FGF12: variants seen among roughly 807,000 people sequenced by gnomAD.
The protein encoded by FGF12 is fibroblast growth factor 12B.
A neutral mutation model predicts 23.6 loss-of-function variants in FGF12; 14 were observed. The ratio of observed to expected loss-of-function variants is 0.59; its 90% CI spans 0.39 to 0.93. The LOEUF is 0.93. Ranked by LOEUF, FGF12 falls within the 40% of genes least tolerant of loss-of-function variation. FGF12 has a pLI of 0.00. For missense variants in FGF12, 175 were observed against 217.8 expected (o/e 0.80, Z 1.24); for synonymous variants, 62 against 77.3 (o/e 0.80, Z 1.04).
rs539192751 is a variant in FGF12 at position 192,228,188 on chromosome 3, C to G, written c.229-57532G>C. On this transcript the variant is annotated intron_variant, in intron 4 of 5. Coordinates refer to ENST00000445105, the MANE Select transcript of FGF12 (RefSeq NM_004113.6). ...AAAAAGTATATGGGTAGTTAATATA[C>G]AAATCAGCTTAATTTAATTATTCCA... 8.6e-5 allele frequency among the ~76,000 whole-genome samples: 13 copies of G among 151,818 alleles called. 1 individual carries two copies. The highest frequency in any genetic ancestry group is 2.7e-4 in the African/African-American group (11 of 41,436).
intron 4 of FGF12, among the ~76,000 whole-genome samples, chr3:192,298,366 GAAGA>G (rs140810650): frequency 6.6e-6 from 1 of 152,326 alleles, no homozygotes; most frequent in East Asian, 1.9e-4. Context: ...GAGAACAAAA[GAAGA>G]AAGAAATATT....
intron 2 of FGF12, among the ~76,000 whole-genome samples, chr3:192,724,680 CTT>C: frequency 6.6e-6 from 1 of 152,316 alleles, no homozygotes; most frequent in African/African-American, 2.4e-5. Flanking sequence ...ATTTTCCTCT[CTT>C]CTTTACCCTG....
chr3:192,143,938 G>T lies in FGF12; in HGVS notation c.*71C>A. Reference sequence around the variant, plus strand: ...TTCCTCTCCTTGGGTGGATTTACTGGAAGGAAATGGGTAAATGGGAAGGAA... The same window carrying T: ...TTCCTCTCCTTGGGTGGATTTACTGTAAGGAAATGGGTAAATGGGAAGGAA... On this transcript the variant is annotated 3_prime_UTR_variant, in exon 6 of 6. Transcript: ENST00000445105. 1.0e-6 allele frequency: 1 copy of T among 962,154 alleles called. No homozygotes were observed. 59.6% of individuals were successfully genotyped at this position (962,154 alleles called of 1,614,324 possible).
rs886466369 is a variant in FGF12, at chr3:192,314,016, A to G, written c.228+21345T>C. ...GATCAGTGTCCTTGTAAGAAGAGAC[A>G]GGGAAGAGCATGCCTCCTCTTTCTC... On this transcript the variant is annotated intron_variant, in intron 4 of 5. Coordinates refer to ENST00000445105, the MANE Select transcript of FGF12 (RefSeq NM_004113.6). 2.6e-5 allele frequency among the ~76,000 whole-genome samples: 4 copies of G among 152,338 alleles called. 1 individual carries two copies. Among genetic ancestry groups the G allele is most frequent in the Middle Eastern group, 6.8e-3 (2 of 294 alleles).
intron 2 of FGF12, among the ~76,000 whole-genome samples, chr3:192,639,456 C>T (rs373519820): frequency 2.0e-5 from 3 of 152,198 alleles, no homozygotes; most frequent in South Asian, 2.1e-4. Context: ...TCTGGGCATA[C>T]GCCCCCAAAA....
chr3:192,715,309 C>G (rs1718833084), intron 2 of FGF12, among the ~76,000 whole-genome samples: 1 of 152,200 alleles, frequency 6.6e-6, no homozygotes, highest in Admixed American at 6.5e-5. Context: ...CCAACCCTTA[C>G]ATGGTTCATG....
rs1027184917 is a variant in FGF12, at chr3:192,596,982, G to GA, written c.13+130198dup. On this transcript the variant is annotated intron_variant, in intron 2 of 5. Coordinates refer to ENST00000445105, the MANE Select transcript of FGF12 (RefSeq NM_004113.6). ...TGTCATTGACCAGCTATGATACCTT[G>GA]AAAAAATTCACCTTAATTCTATGAA... 5.1e-4 allele frequency among the ~76,000 whole-genome samples: 78 copies of GA among 152,120 alleles called. 1 individual carries two copies. The highest frequency in any genetic ancestry group is 1.9e-3 in the African/African-American group (77 of 41,408).
At chr3:192,340,725 A>G (rs1187132656) in intron 3 of FGF12, among the ~76,000 whole-genome samples, 2 of 152,214 alleles carry the variant, frequency 1.3e-5, no homozygotes, top group Non-Finnish European at 2.9e-5. Flanking sequence ...TAGTCTCTTC[A>G]ACAAATGATG....
intron 2 of FGF12, among the ~76,000 whole-genome samples, chr3:192,508,728 AT>A (rs922994353): frequency 3.9e-5 from 6 of 152,044 alleles, no homozygotes; most frequent in Admixed American, 6.5e-5. Context: ...ATTCAAACAC[AT>A]TTTTTTCCAG....
At chr3:192,369,956 G>A (rs1276563292) in intron 2 of FGF12, among the ~76,000 whole-genome samples, 3 of 152,180 alleles carry the variant, frequency 2.0e-5, no homozygotes, top group African/African-American at 7.2e-5. Flanking sequence ...TAAAGATGAA[G>A]TACCACTTTA....
intron 2 of FGF12, among the ~76,000 whole-genome samples, chr3:192,693,003 T>C (rs1001608488): frequency 4.0e-5 from 6 of 151,612 alleles, no homozygotes; most frequent in African/African-American, 1.5e-4. Context: ...GGTATCCAAA[T>C]ATAAACTATC....
intron 4 of FGF12, among the ~76,000 whole-genome samples, chr3:192,312,913 C>T (rs1426196732): frequency 6.6e-6 from 1 of 152,080 alleles, no homozygotes; most frequent in Non-Finnish European, 1.5e-5. Context: ...TAACTTGGTA[C>T]ATGATAAGTA....
At chr3:192,226,730 T>C (rs931572308) in intron 4 of FGF12, among the ~76,000 whole-genome samples, 1 of 152,074 alleles carries the variant, frequency 6.6e-6, no homozygotes, top group African/African-American at 2.4e-5. Flanking sequence ...ATGGTGAATA[T>C]ACTTAACTAC....
chr3:192,444,814 A>C (rs1722303523), intron 2 of FGF12, among the ~76,000 whole-genome samples: 1 of 152,262 alleles, frequency 6.6e-6, no homozygotes, highest in Non-Finnish European at 1.5e-5. Context: ...CCTTCCAGTC[A>C]GTGAAGCGAA....
intron 2 of FGF12, among the ~76,000 whole-genome samples, chr3:192,537,426 A>G (rs952096106): frequency 6.6e-6 from 1 of 152,156 alleles, no homozygotes; most frequent in Non-Finnish European, 1.5e-5. Context: ...CCAAGAGTGT[A>G]CAAGGATTCC....
intron 2 of FGF12, among the ~76,000 whole-genome samples, chr3:192,681,365 G>C (rs1717520517): frequency 6.6e-6 from 1 of 152,218 alleles, no homozygotes; most frequent in Non-Finnish European, 1.5e-5. Context: ...ATTTGGCAAG[G>C]TGAGAAAAGC....
At chr3:192,376,356 A>T (rs922971269) in intron 2 of FGF12, among the ~76,000 whole-genome samples, 1 of 149,574 alleles carries the variant, frequency 6.7e-6, no homozygotes, top group African/African-American at 2.5e-5. Flanking sequence ...TTATTTATTT[A>T]TTTATTTTTA....
Position 192,252,378 on chromosome 3 carries a change from C to T in FGF12, c.229-81722G>A, listed in dbSNP as rs1157823253. ...CTGGGGAGGTTGAGGCTGGAGGATC[C>T]CTTGAACCCAGGAAGTGGAGGTTGC... On this transcript the variant is annotated intron_variant, in intron 4 of 5. Transcript: ENST00000445105. Among the ~76,000 whole-genome samples the T allele has an allele frequency of 2.1e-5, 3 of 141,874 alleles. No individual in the cohort carries two copies. In the Admixed American group the frequency reaches 2.2e-4, roughly 11 times the overall value. The allele number at this position is 141,874 out of a possible 152,430, so 93.1% of individuals were successfully genotyped here. A position where few individuals can be genotyped will look rare whatever the true frequency, so the allele number is the denominator to read the frequency against.
At chr3:192,573,244 A>T (rs1238408266) in intron 2 of FGF12, among the ~76,000 whole-genome samples, 1 of 41,284 alleles carries the variant, frequency 2.4e-5, no homozygotes, top group Non-Finnish European at 9.9e-5. Context: ...GTGGAGCTTA[A>T]AAAAAAAAAA....
Sources: gnomAD v4.1 joint callset for allele counts (sites outside exome capture counted in the v4.1 genomes callset) on GRCh38, gnomAD v4.1.1 for gene constraint, MANE v1.5 for transcripts, NCBI Gene and HGNC (gene_info 2026-07-23, HGNC 2026-07-21) for gene names.